The following NUP93 variants were observed in gnomAD, a reference collection of about 807,000 sequenced individuals.
NUP93 encodes nucleoporin 93.
In NUP93, 55 loss-of-function variants were observed where a neutral mutation model predicts 107.8. That is an observed-to-expected ratio of 0.51 (90% confidence interval 0.41 to 0.64). The LOEUF is 0.64. Among genes scored for constraint, NUP93 ranks in the 30% least tolerant of loss-of-function variants. NUP93 has a pLI of 0.00. For missense variants in NUP93, 937 were observed against 1,044.7 expected (o/e 0.90, Z 1.42); for synonymous variants, 390 against 397.5 (o/e 0.98, Z 0.22).
Position 56,788,089 on chromosome 16 carries a change from G to A in NUP93, c.298-10387G>A, listed in dbSNP as rs370554266. On this transcript the variant is annotated intron_variant, in intron 3 of 21. Coordinates refer to ENST00000308159, the MANE Select transcript of NUP93 (RefSeq NM_014669.5). ...CCTTTTTGGAGTGATTGCGGGAAGG[G>A]GATAAAATGCTCACAGTTATCCCTG... Among the ~76,000 whole-genome samples, 8 of 152,224 alleles carry A rather than the reference G, an allele frequency of 5.3e-5. No homozygotes were observed. The South Asian group carries it at 8.3e-4, about 16-fold the overall frequency.
intron 4 of NUP93, among the ~76,000 whole-genome samples, chr16:56,799,557 T>G (rs138252614): frequency 1.7e-3 from 256 of 152,310 alleles, no homozygotes; most frequent in Middle Eastern, 3.4e-3. Flanking sequence ...GTTCTAGAAG[T>G]GCAGCTTTCC....
At chr16:56,808,221 CTATA>C (rs372861330) in intron 5 of NUP93, among the ~76,000 whole-genome samples, 6 of 49,606 alleles carry the variant, frequency 1.2e-4, no homozygotes, top group African/African-American at 5.1e-4. Context: ...AGTTATGTAA[CTATA>C]TAAAATATAT....
intron 20 of NUP93, 153 bp from the exon 21 acceptor site, chr16:56,841,545 AGTGCCAT>A: frequency 1.3e-6 from 1 of 786,944 alleles, no homozygotes; most frequent in Non-Finnish European, 2.0e-6. Context: ...TTGATGTTTC[AGTGCCAT>A]CAGCTCCTTT....
At chr16:56,798,584 AG>A in intron 4 of NUP93, 46 bp downstream of exon 4, 1 of 1,502,568 alleles carries the variant, frequency 6.7e-7, no homozygotes, top group East Asian at 2.3e-5. Context: ...TGAGGGCAAG[AG>A]GGCTGGGCGT....
At chr16:56,775,420 C>CT (rs1962398443) in intron 3 of NUP93, among the ~76,000 whole-genome samples, 1 of 152,198 alleles carries the variant, frequency 6.6e-6, no homozygotes, top group Non-Finnish European at 1.5e-5. Context: ...GTGTTAAGCA[C>CT]TTTAAGTGGA....
chr16:56,790,842 T>G (rs1962745885), intron 3 of NUP93, among the ~76,000 whole-genome samples: 1 of 152,230 alleles, frequency 6.6e-6, no homozygotes, highest in Non-Finnish European at 1.5e-5. Context: ...TGTTTTATCT[T>G]GGAGCAGATC....
chr16:56,814,175 CT>C (rs1210160164), intron 5 of NUP93, among the ~76,000 whole-genome samples: 1 of 151,892 alleles, frequency 6.6e-6, no homozygotes, highest in Non-Finnish European at 1.5e-5. Flanking sequence ...AGTTGCATTC[CT>C]TTTTTTTCTT....
chr16:56,843,602 A>G (rs1964067862), intron 21 of NUP93, among the ~76,000 whole-genome samples: 1 of 152,248 alleles, frequency 6.6e-6, no homozygotes, highest in African/African-American at 2.4e-5. Flanking sequence ...GAACATCCCT[A>G]GAGCTCATTT....
chr16:56,808,712 TATAA>T (rs1318504890), intron 5 of NUP93, among the ~76,000 whole-genome samples: 17 of 34,334 alleles, frequency 5.0e-4, no homozygotes, highest in Admixed American at 3.2e-3. Flanking sequence ...AAAATACATA[TATAA>T]ATATATATAA....
chr16:56,762,356 A>T (rs1215487371), intron 3 of NUP93, among the ~76,000 whole-genome samples: 1 of 152,232 alleles, frequency 6.6e-6, no homozygotes, highest in African/African-American at 2.4e-5. Flanking sequence ...TGAATTGGCC[A>T]TGAAAATGGG....
intron 16 of NUP93, 91 bp downstream of exon 16, chr16:56,834,869 A>G: frequency 9.4e-7 from 1 of 1,062,690 alleles, no homozygotes; most frequent in East Asian, 2.4e-5. Flanking sequence ...GATTCAAGGT[A>G]CTAAAGATGC....
At position 56,821,532 on chromosome 16, in the gene NUP93, A is replaced by T. The variant is rs751048227; in HGVS notation, c.593A>T (p.Asn198Ile). The T allele has an allele frequency of 1.2e-6, 2 of 1,612,902 alleles. No individual in the cohort carries two copies. The highest frequency in any genetic ancestry group is 1.7e-6 in the Non-Finnish European group (2 of 1,178,958). The change falls in exon 7 of 22, where the codon AAT (asparagine) becomes ATT (isoleucine). Residue 198 changes from asparagine to isoleucine, a missense_variant. Physicochemically the swap from Asn to Ile is moderately radical, Grantham distance 149. Coordinates refer to ENST00000308159, the MANE Select transcript of NUP93 (RefSeq NM_014669.5). The stretch of plus-strand genomic sequence containing the variant: ...TATATCTATAATGAGAAAATTGTAA[A>T]TGGACACCTGCAGCCTAACCTGGTG... ...QIYIYNEKIV[N>I]GHLQPNLVDL...
At chr16:56,761,450 T>C (rs1962124499) in intron 3 of NUP93, among the ~76,000 whole-genome samples, 2 of 152,230 alleles carry the variant, frequency 1.3e-5, no homozygotes. Context: ...CCAGATATAC[T>C]ATTCGATGGA....
At chr16:56,826,269 C>T (rs1373536946) in intron 8 of NUP93, among the ~76,000 whole-genome samples, 4 of 152,114 alleles carry the variant, frequency 2.6e-5, no homozygotes, top group African/African-American at 9.7e-5. Flanking sequence ...CCCAACACTT[C>T]GGGTGGCCAA....
At chr16:56,795,320 T>C (rs1364755509) in intron 3 of NUP93, among the ~76,000 whole-genome samples, 1 of 152,158 alleles carries the variant, frequency 6.6e-6, no homozygotes, top group Non-Finnish European at 1.5e-5. Context: ...TGAAAATGTG[T>C]TTATACTAAA....
chr16:56,758,506 C>A, intron 2 of NUP93, 32 bp from the exon 3 acceptor site: 1 of 1,521,844 alleles, frequency 6.6e-7, no homozygotes, highest in Non-Finnish European at 9.1e-7. Context: ...TTTCCCCTTA[C>A]TTATATCTCC....
At chr16:56,743,106 CT>C (rs1567373098) in intron 1 of NUP93, among the ~76,000 whole-genome samples, 4 of 152,198 alleles carry the variant, frequency 2.6e-5, no homozygotes, top group African/African-American at 9.7e-5. Context: ...TCTACTCTTT[CT>C]AGCTCGATTA....
chr16:56,825,305 G>A (rs1273268053), intron 8 of NUP93, among the ~76,000 whole-genome samples: 2 of 147,652 alleles, frequency 1.4e-5, no homozygotes, highest in Non-Finnish European at 3.0e-5. Context: ...TCTGCCTCCC[G>A]GGTTCAGGCG....
intron 5 of NUP93, among the ~76,000 whole-genome samples, chr16:56,807,827 C>G (rs1230755054): frequency 1.3e-5 from 2 of 151,714 alleles, no homozygotes; most frequent in East Asian, 1.9e-4. Flanking sequence ...TCAAGACCAT[C>G]CTGGCCAACA....
Sources: allele counts gnomAD v4.1 joint callset (sites outside exome capture counted in the v4.1 genomes callset), GRCh38; gene constraint gnomAD v4.1.1; transcripts MANE v1.5; gene names NCBI Gene and HGNC (gene_info 2026-07-23, HGNC 2026-07-21).